Variants in PRKACB observed in about 807,000 individuals in gnomAD.
PRKACB encodes protein kinase cAMP-activated catalytic subunit beta, also known as cAMP-dependent protein kinase catalytic subunit beta.
A neutral mutation model predicts 51.4 loss-of-function variants in PRKACB; 16 were observed. That is an observed-to-expected ratio of 0.31 (90% CI 0.21 to 0.47). PRKACB has a LOEUF of 0.47. Ranked by LOEUF, PRKACB falls within the 20% of genes least tolerant of loss-of-function variation. PRKACB has a pLI of 1.00. For synonymous variants in PRKACB, 147 were observed against 154.4 expected (o/e 0.95, Z 0.35); for missense variants, 309 against 464.5 (o/e 0.67, Z 3.08).
intron 1 of PRKACB, among the ~76,000 whole-genome samples, chr1:84,095,264 G>A (rs1401943083): frequency 6.3e-5 from 8 of 126,626 alleles, no homozygotes; most frequent in East Asian, 2.1e-4. Context: ...TTTTTTTTGC[G>A]CTTATTCCTT....
In PRKACB at chr1:84,182,449, TAATTTTTATTGTAACTA is replaced by T. The variant is rs1277453251; in HGVS notation, c.378+139_378+155del. On this transcript the variant is annotated intron_variant, in intron 3 of 9. Transcript: ENST00000370685. ...CTTCAAATAATTTTATTATTAAATTTAATTTTTATTGTAACTAAATTTTTATTGTAACTATATTATAC... is the reference window on the plus strand; with the variant it reads ...CTTCAAATAATTTTATTATTAAATTTAATTTTTATTGTAACTATATTATAC... 1.1e-5 allele frequency: 8 copies of T among 747,676 alleles called. No homozygotes were observed. The South Asian group carries it at 2.7e-4, about 25-fold the overall frequency. 46.3% of individuals were successfully genotyped at this position (747,676 alleles called of 1,614,324 possible).
At chr1:84,090,371 A>C (rs137995157) in intron 1 of PRKACB, among the ~76,000 whole-genome samples, 349 of 152,304 alleles carry the variant, frequency 2.3e-3, no homozygotes, top group African/African-American at 7.9e-3. Flanking sequence ...TGTTATATTT[A>C]TCTATTGTTC....
intron 1 of PRKACB, among the ~76,000 whole-genome samples, chr1:84,092,884 TG>T (rs1362700099): frequency 1.7e-4 from 25 of 151,502 alleles, no homozygotes; most frequent in African/African-American, 4.4e-4. Flanking sequence ...TTTTATAAAA[TG>T]TTTTTTTTTT....
intron 1 of PRKACB, chr1:84,078,407 G>A (rs1438136688): frequency 6.2e-7 from 1 of 1,601,426 alleles, no homozygotes; most frequent in Non-Finnish European, 8.5e-7. Context: ...TCCGCTGGGC[G>A]GGCCGGCGCG....
At chr1:84,132,782 A>G (rs773178163) in intron 1 of PRKACB, among the ~76,000 whole-genome samples, 9 of 152,188 alleles carry the variant, frequency 5.9e-5, no homozygotes, top group Non-Finnish European at 8.8e-5. Context: ...TGCTGGGGAA[A>G]GAATCAGTGA....
At chr1:84,222,387 C>A (rs1450267118) in intron 9 of PRKACB, among the ~76,000 whole-genome samples, 1 of 152,086 alleles carries the variant, frequency 6.6e-6, no homozygotes, top group East Asian at 1.9e-4. Context: ...CAGTCCATAT[C>A]TTTTAAGTAG....
intron 5 of PRKACB, among the ~76,000 whole-genome samples, chr1:84,188,849 A>T (rs1665940187): frequency 6.6e-6 from 1 of 151,978 alleles, no homozygotes; most frequent in African/African-American, 2.4e-5. Context: ...TAAACATCTT[A>T]AAAGACTTAA....
intron 1 of PRKACB, among the ~76,000 whole-genome samples, chr1:84,134,280 G>A (rs1232952627): frequency 6.6e-6 from 1 of 152,186 alleles, no homozygotes; most frequent in Non-Finnish European, 1.5e-5. Flanking sequence ...CAACATTCAA[G>A]TGAGAAAACA....
chr1:84,086,190 A>T, intron 1 of PRKACB: 2 of 1,598,874 alleles, frequency 1.3e-6, no homozygotes, highest in Non-Finnish European at 1.7e-6. Flanking sequence ...GGCATCAAAG[A>T]TGAGGATCAG....
At chr1:84,138,509 C>A (rs1393151910) in intron 1 of PRKACB, among the ~76,000 whole-genome samples, 6 of 152,034 alleles carry the variant, frequency 3.9e-5, no homozygotes, top group Non-Finnish European at 7.4e-5. Flanking sequence ...TTATTGAAGA[C>A]ATTGTATTAG....
At chr1:84,220,882 A>T (rs594631) in intron 9 of PRKACB, among the ~76,000 whole-genome samples, 46,867 of 151,844 alleles carry the variant, frequency 0.31, 8,136 homozygotes, top group East Asian at 0.51. Context: ...TATTTCTCAG[A>T]GATGTTGGTC....
chr1:84,108,555 G>A (rs1021491), intron 1 of PRKACB, among the ~76,000 whole-genome samples: 102,515 of 151,724 alleles, frequency 0.68, 35,826 homozygotes, highest in Non-Finnish European at 0.79. Flanking sequence ...AGTGCTTATT[G>A]TATACCAGAC....
intron 1 of PRKACB, chr1:84,164,541 G>A: frequency 7.0e-7 from 1 of 1,436,906 alleles, no homozygotes. Flanking sequence ...AAAATAAAAA[G>A]GTATTTTATT....
intron 1 of PRKACB, 115 bp from the exon 2 acceptor site, chr1:84,179,062 C>G: frequency 1.7e-6 from 2 of 1,200,116 alleles, no homozygotes; most frequent in Non-Finnish European, 2.3e-6. Context: ...TACATTTTAT[C>G]ACAATAGATG....
At chr1:84,177,610 T>A (rs1482509046) in intron 1 of PRKACB, among the ~76,000 whole-genome samples, 1 of 151,902 alleles carries the variant, frequency 6.6e-6, no homozygotes, top group East Asian at 1.9e-4. Context: ...GACTTGGTGG[T>A]GCACATCTGT....
intron 1 of PRKACB, among the ~76,000 whole-genome samples, chr1:84,169,116 A>G (rs1658522990): frequency 6.6e-6 from 1 of 151,680 alleles, no homozygotes. Context: ...ATTGTTCTTG[A>G]ATGAATAAAA....
chr1:84,109,565 A>G (rs1236337008), intron 1 of PRKACB, among the ~76,000 whole-genome samples: 6 of 151,912 alleles, frequency 3.9e-5, no homozygotes, highest in African/African-American at 1.4e-4. Context: ...TTACACTAAT[A>G]GGTTTGTAGA....
At chr1:84,223,495 A>G (rs746289752) in intron 9 of PRKACB, among the ~76,000 whole-genome samples, 12 of 151,278 alleles carry the variant, frequency 7.9e-5, no homozygotes, top group Non-Finnish European at 1.6e-4. Flanking sequence ...CAGCCTCCTG[A>G]GTAGCTGGGA....
intron 1 of PRKACB, among the ~76,000 whole-genome samples, chr1:84,170,242 A>T (rs1658978473): frequency 6.6e-6 from 1 of 151,544 alleles, no homozygotes; most frequent in East Asian, 1.9e-4. Context: ...ACAGTTTAGG[A>T]TTTCTTAGCC....
Sources: gnomAD v4.1 joint callset for allele counts (sites outside exome capture counted in the v4.1 genomes callset) on GRCh38, gnomAD v4.1.1 for gene constraint, MANE v1.5 for transcripts, NCBI Gene and HGNC (gene_info 2026-07-23, HGNC 2026-07-21) for gene names.